Variants in TMEM131L observed in about 807,000 individuals in gnomAD.
TMEM131L encodes the protein transmembrane protein 131-like.
Under a neutral mutation model 192.2 loss-of-function variants are expected in TMEM131L, and 54 were observed. The observed-to-expected ratio is 0.28, with a 90% confidence interval of 0.23 to 0.35. The LOEUF (loss-of-function observed/expected upper bound fraction) is 0.35, where lower values mean the gene tolerates loss of function less well. Among genes scored for constraint, TMEM131L ranks in the 10% least tolerant of loss-of-function variants. TMEM131L has a pLI of 1.00. For synonymous variants in TMEM131L, 701 were observed against 704.9 expected (o/e 0.99, Z 0.09); for missense variants, 1,888 against 1,972.9 (o/e 0.96, Z 0.82).
intron 7 of TMEM131L, among the ~76,000 whole-genome samples, chr4:153,564,764 G>A (rs908242904): frequency 6.6e-6 from 1 of 152,136 alleles, no homozygotes; most frequent in Admixed American, 6.5e-5. Flanking sequence ...GTGATGTCAT[G>A]TTACACAAAA....
chr4:153,626,336 T>C, intron 30 of TMEM131L, 111 bp downstream of exon 30: 2 of 681,340 alleles, frequency 2.9e-6, no homozygotes, highest in Non-Finnish European at 5.0e-6. Context: ...ATGAAAACTT[T>C]TTAAAGATGC....
chr4:153,583,430 A>G lies in TMEM131L; in HGVS notation c.952-134A>G, dbSNP rs370334965. 6.4e-6 allele frequency: 5 copies of G among 778,272 alleles called. No individual in the cohort carries two copies. In the African/African-American group the frequency reaches 8.7e-5, roughly 13 times the overall value. The allele number at this position is 778,272 out of a possible 1,614,324, so 48.2% of individuals were successfully genotyped here. A position where few individuals can be genotyped will look rare whatever the true frequency, so the allele number is the denominator to read the frequency against. ...TATGAAGATTGTCAGCATCCCCTCC[A>G]TATGGTTATGGCACAGATGCTGAGC... On this transcript the variant is annotated intron_variant, in intron 10 of 34. Transcript: ENST00000409959.
At chr4:153,552,596 T>G (rs1172333645) in intron 4 of TMEM131L, among the ~76,000 whole-genome samples, 1 of 152,186 alleles carries the variant, frequency 6.6e-6, no homozygotes, top group Non-Finnish European at 1.5e-5. Context: ...TTTGGGAGAC[T>G]GAGGCAGGAG....
chr4:153,582,420 G>GTT (rs1216119441), intron 9 of TMEM131L, among the ~76,000 whole-genome samples: 26 of 81,822 alleles, frequency 3.2e-4, no homozygotes, highest in African/African-American at 1.3e-3. Context: ...AATTTAAACC[G>GTT]TTTTTTTTTG....
chr4:153,578,109 G>A (rs937354573), intron 7 of TMEM131L, among the ~76,000 whole-genome samples: 6 of 152,016 alleles, frequency 3.9e-5, no homozygotes, highest in Non-Finnish European at 8.8e-5. Context: ...AACAGGACAG[G>A]GGGCTGGTGG....
intron 7 of TMEM131L, among the ~76,000 whole-genome samples, chr4:153,564,556 C>T (rs1277382344): frequency 6.6e-6 from 1 of 151,962 alleles, no homozygotes; most frequent in East Asian, 1.9e-4. Context: ...TTTTTTAAAC[C>T]TTGTCATTTG....
Position 153,581,422 on chromosome 4 carries a change from T to G in TMEM131L, c.754T>G (p.Ser252Ala), listed in dbSNP as rs946027801. Residue 252 changes from serine (S) to alanine (A), a missense_variant, in exon 9 of 35, where the codon TCT (serine) becomes GCT (alanine). By Grantham distance (99) the Ser-to-Ala change is moderately conservative. Transcript: ENST00000409959. ...CCAACCATAGGGTTGTTATCTGGAA[T>G]CTGATGATGTTTTGCGTCTACAAAT... ...CQQLKGCYLESDDVLRLQMSI... is the reference protein window; with the variant it reads ...CQQLKGCYLEADDVLRLQMSI... The G allele has an allele frequency of 6.4e-7, 1 of 1,567,320 alleles. No individual in the cohort carries two copies. Among genetic ancestry groups the G allele is most frequent in the Admixed American group, 1.9e-5 (1 of 53,454 alleles).
chr4:153,630,814 G>A (rs1366671721), intron 31 of TMEM131L, among the ~76,000 whole-genome samples: 2 of 152,208 alleles, frequency 1.3e-5, no homozygotes, highest in Non-Finnish European at 2.9e-5. Context: ...GGCAGCCTGG[G>A]TGATGCAGAC....
intron 4 of TMEM131L, among the ~76,000 whole-genome samples, chr4:153,552,194 C>A (rs1737677488): frequency 6.6e-6 from 1 of 151,896 alleles, no homozygotes; most frequent in South Asian, 2.1e-4. Context: ...GCCTGGGCGA[C>A]AGAGGGAGAC....
chr4:153,618,664 A>T (rs1338029316), intron 26 of TMEM131L, among the ~76,000 whole-genome samples: 1 of 152,066 alleles, frequency 6.6e-6, no homozygotes, highest in South Asian at 2.1e-4. Flanking sequence ...ACAGCCAGTA[A>T]TCAAGGCACG....
chr4:153,595,306 C>T (rs1243762321), intron 19 of TMEM131L, among the ~76,000 whole-genome samples: 2 of 152,110 alleles, frequency 1.3e-5, no homozygotes, highest in Non-Finnish European at 2.9e-5. Context: ...ATGTCAGTGC[C>T]TGGCATATAA....
At chr4:153,517,389 C>T (rs1452681287) in intron 3 of TMEM131L, among the ~76,000 whole-genome samples, 1 of 152,206 alleles carries the variant, frequency 6.6e-6, no homozygotes, top group Non-Finnish European at 1.5e-5. Flanking sequence ...GGGTCCTTTA[C>T]AAGGCCCTGG....
intron 3 of TMEM131L, among the ~76,000 whole-genome samples, chr4:153,501,933 C>T (rs2149998074): frequency 6.6e-6 from 1 of 150,428 alleles, no homozygotes; most frequent in East Asian, 2.0e-4. Flanking sequence ...CTGGAAGTAT[C>T]CCCCAAAGGG....
At chr4:153,614,588 AG>A (rs1342097419) in intron 26 of TMEM131L, among the ~76,000 whole-genome samples, 1 of 152,192 alleles carries the variant, frequency 6.6e-6, no homozygotes, top group Non-Finnish European at 1.5e-5. Flanking sequence ...TCCTGAATGA[AG>A]GTAATAATTG....
intron 25 of TMEM131L, among the ~76,000 whole-genome samples, chr4:153,610,202 T>C (rs1342608432): frequency 6.6e-6 from 1 of 152,180 alleles, no homozygotes; most frequent in Non-Finnish European, 1.5e-5. Flanking sequence ...GGCAAATAGT[T>C]GACTGTCCTA....
chr4:153,473,734 GT>G, intron 2 of TMEM131L, 110 bp from the exon 3 acceptor site: 1 of 790,972 alleles, frequency 1.3e-6, no homozygotes, highest in Non-Finnish European at 2.0e-6. Context: ...GGAGGTTGCA[GT>G]GAGCCGAGAC....
rs371700255 is a variant in TMEM131L, at chr4:153,603,993, C to T, written c.2981C>T (p.Ala994Val). ...AGTAAACACAAAACCAGCACAGCTGCGGCCAGCAGCACCAGCACGACTACT... is the reference window on the plus strand; with the variant it reads ...AGTAAACACAAAACCAGCACAGCTGTGGCCAGCAGCACCAGCACGACTACT... Reference protein sequence around the residue: ...YYSKHKTSTAAASSTSTTTEE... With the variant: ...YYSKHKTSTAVASSTSTTTEE... Residue 994 changes from alanine to valine, a missense_variant, in exon 25 of 35, where the codon GCG becomes GTG. Ala to Val is a moderately conservative substitution (Grantham distance 64). Transcript: ENST00000409959. The T allele has an allele frequency of 5.5e-5, 88 of 1,613,914 alleles. No individual in the cohort carries two copies. The highest frequency in any genetic ancestry group is 3.3e-4 in the Middle Eastern group (2 of 6,084).
chr4:153,500,477 A>G (rs529075776), intron 3 of TMEM131L, among the ~76,000 whole-genome samples: 12 of 152,290 alleles, frequency 7.9e-5, no homozygotes, highest in African/African-American at 2.6e-4. Context: ...ATGGTGCCCT[A>G]TGTAGTGAAT....
At chr4:153,595,996 T>A (rs1343464941) in intron 19 of TMEM131L, among the ~76,000 whole-genome samples, 1 of 152,164 alleles carries the variant, frequency 6.6e-6, no homozygotes, top group Non-Finnish European at 1.5e-5. Context: ...AGCCCCAACT[T>A]CCATTCAAAC....
Sources: gnomAD v4.1 joint callset for allele counts (sites outside exome capture counted in the v4.1 genomes callset) on GRCh38, gnomAD v4.1.1 for gene constraint, MANE v1.5 for transcripts, NCBI Gene and HGNC (gene_info 2026-07-23, HGNC 2026-07-21) for gene names.